MET: variants seen among roughly 807,000 people sequenced by gnomAD.
MET encodes the protein hepatocyte growth factor receptor.
MET carries 48 observed loss-of-function variants against 133.1 expected under a neutral mutation model. The ratio of observed to expected loss-of-function variants is 0.36; its 90% CI spans 0.29 to 0.46. The LOEUF (loss-of-function observed/expected upper bound fraction) is 0.46. Among genes scored for constraint, MET ranks in the 20% least tolerant of loss-of-function variants. The pLI is 1.00. For missense variants in MET, 1,442 were observed against 1,695.9 expected (o/e 0.85, Z 2.63); for synonymous variants, 628 against 616.5 (o/e 1.02, Z -0.28).
rs1176443675 is a variant in MET at position 116,746,566 on chromosome 7, G to A, written c.1701+5541G>A. On this transcript the variant is annotated intron_variant, in intron 5 of 20. Coordinates refer to ENST00000397752, the MANE Select transcript of MET (RefSeq NM_000245.4). ...CAATGATAGACTGGATTAAGAAAAT[G>A]TGGCACATATATGCCATGGAATACT... Among the ~76,000 whole-genome samples, 10 of 152,308 alleles carry A rather than the reference G, an allele frequency of 6.6e-5. No homozygotes were observed. In the East Asian group the frequency reaches 1.2e-3, roughly 18 times the overall value.
intron 5 of MET, among the ~76,000 whole-genome samples, chr7:116,744,393 A>G (rs1301278281): frequency 6.6e-6 from 1 of 152,234 alleles, no homozygotes; most frequent in Non-Finnish European, 1.5e-5. Context: ...CATGAAGCAT[A>G]CACAAGTATC....
At chr7:116,712,628 T>C (rs576585070) in intron 2 of MET, among the ~76,000 whole-genome samples, 2 of 152,270 alleles carry the variant, frequency 1.3e-5, no homozygotes, top group South Asian at 4.1e-4. Flanking sequence ...TTGGGGAGTT[T>C]TCAAGAGCTA....
intron 3 of MET, among the ~76,000 whole-genome samples, chr7:116,735,093 C>T (rs1218376235): frequency 1.3e-5 from 2 of 152,126 alleles, no homozygotes; most frequent in African/African-American, 4.8e-5. Flanking sequence ...TCAAGTTCAG[C>T]TCCACAAATA....
chr7:116,688,715 T>A lies in MET; in HGVS notation c.-14-10356T>A, dbSNP rs531555077. On this transcript the variant is annotated intron_variant, in intron 1 of 20. Coordinates refer to ENST00000397752, the MANE Select transcript of MET (RefSeq NM_000245.4). ...GGATAATCTTGAGGATATAATGGCA[T>A]TCTATTCTTTTTATCTTTACTCTTG... Among the ~76,000 whole-genome samples, 6 of 152,330 alleles carry A rather than the reference T, an allele frequency of 3.9e-5. No homozygotes were observed. In the East Asian group the frequency reaches 9.6e-4, roughly 24 times the overall value.
intron 3 of MET, among the ~76,000 whole-genome samples, chr7:116,738,778 G>T (rs1210193238): frequency 4.6e-5 from 7 of 152,126 alleles, no homozygotes; most frequent in African/African-American, 1.7e-4. Context: ...ATTTACAATT[G>T]TTCCCCAGAA....
Position 116,723,829 on chromosome 7 carries a change from A to C in MET, c.1201-7839A>C, listed in dbSNP as rs571156532. 8.2e-4 allele frequency among the ~76,000 whole-genome samples: 125 copies of C among 152,338 alleles called. 4 individuals are homozygous for C. In the South Asian group the frequency reaches 0.016, roughly 20 times the overall value. On this transcript the variant is annotated intron_variant, in intron 2 of 20. Coordinates refer to ENST00000397752, the MANE Select transcript of MET (RefSeq NM_000245.4). The stretch of plus-strand genomic sequence containing the variant: ...GGGTCAGGGACCCACTTGAGGAGGC[A>C]GTCTGCCCATTCTCAGATCTCCAGC...
chr7:116,767,388 G>A (rs1165786130), intron 11 of MET, among the ~76,000 whole-genome samples: 1 of 152,180 alleles, frequency 6.6e-6, no homozygotes, highest in Non-Finnish European at 1.5e-5. Flanking sequence ...ACATTGCAGT[G>A]AGAGGAAGAA....
At chr7:116,720,204 C>T (rs1265915068) in intron 2 of MET, among the ~76,000 whole-genome samples, 1 of 147,784 alleles carries the variant, frequency 6.8e-6, no homozygotes, top group Non-Finnish European at 1.5e-5. Flanking sequence ...CCTTCACATC[C>T]CTTGTAAGTT....
intron 3 of MET, among the ~76,000 whole-genome samples, chr7:116,734,073 T>C (rs1167001399): frequency 2.6e-5 from 4 of 152,176 alleles, no homozygotes; most frequent in South Asian, 2.1e-4. Flanking sequence ...TATGGCAACC[T>C]CCCACTTTAA....
intron 2 of MET, among the ~76,000 whole-genome samples, chr7:116,708,676 C>T (rs1013528843): frequency 2.0e-5 from 3 of 152,180 alleles, no homozygotes; most frequent in African/African-American, 7.2e-5. Context: ...CTCACACTCA[C>T]TGCCTTTCCT....
At chr7:116,785,304 C>G (rs1250717856) in intron 19 of MET, among the ~76,000 whole-genome samples, 3 of 152,198 alleles carry the variant, frequency 2.0e-5, no homozygotes, top group Non-Finnish European at 4.4e-5. Flanking sequence ...CACAGCCCCA[C>G]CTGGCAAAGC....
In MET at chr7:116,759,496, TC is replaced by T. The variant is rs1422359365; in HGVS notation, c.2364+8del. On this transcript the variant is annotated splice_region_variant and intron_variant, in intron 10 of 20. Transcript: ENST00000397752. ...CAGGAAGGAACTTTACAGTGGTAAG[TC>T]CTTTGAGCAATGGTTCTACTCAGAG... The T allele has an allele frequency of 6.2e-7, 1 of 1,612,032 alleles. No homozygotes were observed. The highest frequency in any genetic ancestry group is 1.7e-5 in the Admixed American group (1 of 59,802).
chr7:116,793,885 C>A (rs1007946866), intron 19 of MET, among the ~76,000 whole-genome samples: 1 of 151,866 alleles, frequency 6.6e-6, no homozygotes, highest in African/African-American at 2.4e-5. Flanking sequence ...GGCAAAAGAG[C>A]GAAACTCCAT....
intron 2 of MET, among the ~76,000 whole-genome samples, chr7:116,708,744 G>C (rs1192411510): frequency 6.6e-6 from 1 of 152,082 alleles, no homozygotes; most frequent in Non-Finnish European, 1.5e-5. Context: ...AGGCCAGGTT[G>C]TTTCTTCCTT....
At chr7:116,761,375 G>A (rs28405781) in intron 10 of MET, among the ~76,000 whole-genome samples, 4,758 of 152,108 alleles carry the variant, frequency 0.031, 246 homozygotes, top group African/African-American at 0.11. Context: ...TTTTACTGTC[G>A]TTTGTGAAAA....
intron 2 of MET, among the ~76,000 whole-genome samples, chr7:116,714,840 A>C (rs1792131322): frequency 6.6e-6 from 1 of 152,062 alleles, no homozygotes. Context: ...TTTCCCAAAA[A>C]ACATGTGCCA....
chr7:116,745,336 T>C (rs1793626027), intron 5 of MET, among the ~76,000 whole-genome samples: 1 of 152,156 alleles, frequency 6.6e-6, no homozygotes, highest in Non-Finnish European at 1.5e-5. Context: ...ATCAATATCA[T>C]GAAAATGGCC....
intron 11 of MET, among the ~76,000 whole-genome samples, chr7:116,766,705 T>C (rs888797855): frequency 1.3e-5 from 2 of 152,186 alleles, no homozygotes; most frequent in Non-Finnish European, 2.9e-5. Context: ...AGTATTTCTT[T>C]GTGCTGCCCA....
At chr7:116,726,084 T>A (rs1174656971) in intron 2 of MET, among the ~76,000 whole-genome samples, 1 of 99,442 alleles carries the variant, frequency 1.0e-5, no homozygotes, top group Non-Finnish European at 2.0e-5. Context: ...GGGACCACCA[T>A]AATATATTCA....
Sources: gnomAD v4.1 joint callset for allele counts (sites outside exome capture counted in the v4.1 genomes callset) on GRCh38, gnomAD v4.1.1 for gene constraint, MANE v1.5 for transcripts, NCBI Gene and HGNC (gene_info 2026-07-23, HGNC 2026-07-21) for gene names.